The following KCNIP1 variants were observed in gnomAD, a reference collection of about 807,000 sequenced individuals.
The protein encoded by KCNIP1 is potassium voltage-gated channel interacting protein 1.
A neutral mutation model predicts 33.0 loss-of-function variants in KCNIP1; 18 were observed. The observed-to-expected ratio is 0.55, with a 90% CI of 0.38 to 0.81. The LOEUF (loss-of-function observed/expected upper bound fraction) is 0.81. KCNIP1 is among the 30% of genes least tolerant of loss of function. KCNIP1 has a pLI of 0.00. For missense variants in KCNIP1, 238 were observed against 271.6 expected (o/e 0.88, Z 0.87); for synonymous variants, 93 against 98.3 (o/e 0.95, Z 0.32).
intron 1 of KCNIP1, among the ~76,000 whole-genome samples, chr5:170,558,416 A>G (rs1167299099): frequency 1.3e-5 from 2 of 152,234 alleles, no homozygotes; most frequent in Non-Finnish European, 2.9e-5. Flanking sequence ...TTTTTTAAAG[A>G]AGGTTTAAAC....
intron 1 of KCNIP1, chr5:170,377,472 C>T (rs1175578740): frequency 6.6e-6 from 1 of 152,220 alleles, no homozygotes; most frequent in Admixed American, 6.5e-5. Flanking sequence ...CTGAGATAGG[C>T]TTCCCCAGCA....
rs375321824 is a variant in KCNIP1 at position 170,721,914 on chromosome 5, C to A, written c.327+11C>A. 6.2e-7 allele frequency: 1 copy of A among 1,613,972 alleles called. No homozygotes were observed. Among genetic ancestry groups the A allele is most frequent in the African/African-American group, 1.3e-5 (1 of 74,918 alleles). On this transcript the variant is annotated intron_variant, in intron 4 of 7. Transcript: ENST00000328939. Reference sequence around the variant, plus strand: ...TCCGTGAAGTTCGAGGTACGCTCATCTGGGGTCCACTCTAGGGGTCCTCTG... The same window carrying A: ...TCCGTGAAGTTCGAGGTACGCTCATATGGGGTCCACTCTAGGGGTCCTCTG...
chr5:170,400,236 A>G (rs1394515759), intron 1 of KCNIP1, among the ~76,000 whole-genome samples: 1 of 152,162 alleles, frequency 6.6e-6, no homozygotes, highest in Non-Finnish European at 1.5e-5. Flanking sequence ...GGTAATTTAT[A>G]AGCACCAGAG....
chr5:170,392,434 G>A (rs1379959426), intron 1 of KCNIP1, among the ~76,000 whole-genome samples: 1 of 152,348 alleles, frequency 6.6e-6, no homozygotes, highest in South Asian at 2.1e-4. Context: ...TTCAAAGGGG[G>A]ACTGTTACAG....
At chr5:170,490,580 A>T (rs370839955) in intron 1 of KCNIP1, among the ~76,000 whole-genome samples, 73 of 152,274 alleles carry the variant, frequency 4.8e-4, no homozygotes, top group African/African-American at 1.7e-3. Context: ...GTTCCCTAAG[A>T]TGTTACCACT....
chr5:170,489,225 C>A lies in KCNIP1; in HGVS notation c.88+135261C>A, dbSNP rs150913970. Reference sequence around the variant, plus strand: ...ACGATGACTCCATCTGTCACCTCGGCACTTACCCCAAAAGATGGAGGACTG... The same window carrying A: ...ACGATGACTCCATCTGTCACCTCGGAACTTACCCCAAAAGATGGAGGACTG... On this transcript the variant is annotated intron_variant, in intron 1 of 7. Transcript: ENST00000377360. The surrounding 1 kb of genome is among the most constrained non-coding windows in gnomAD (Gnocchi z 4.3). 6.6e-6 allele frequency among the ~76,000 whole-genome samples: 1 copy of A among 152,212 alleles called. No homozygotes were observed. Among genetic ancestry groups the A allele is most frequent in the South Asian group, 2.1e-4 (1 of 4,818 alleles).
intron 1 of KCNIP1, among the ~76,000 whole-genome samples, chr5:170,423,875 G>A (rs1755554715): frequency 6.6e-6 from 1 of 152,194 alleles, no homozygotes; most frequent in Non-Finnish European, 1.5e-5. Context: ...TTTGCTTTCA[G>A]TAGCTGGAAG....
chr5:170,546,407 C>A (rs557026129), intron 1 of KCNIP1, among the ~76,000 whole-genome samples: 1 of 152,332 alleles, frequency 6.6e-6, no homozygotes, highest in African/African-American at 2.4e-5. Flanking sequence ...TGCGTTAAAG[C>A]CAACAGTCAC....
chr5:170,627,596 G>A (rs557393555), intron 1 of KCNIP1, among the ~76,000 whole-genome samples: 6 of 152,370 alleles, frequency 3.9e-5, no homozygotes, highest in African/African-American at 1.4e-4. Context: ...CGGAGTGCCT[G>A]AGATGGCTCA....
At chr5:170,603,130 G>A (rs1363074317) in intron 1 of KCNIP1, among the ~76,000 whole-genome samples, 1 of 152,278 alleles carries the variant, frequency 6.6e-6, no homozygotes, top group African/African-American at 2.4e-5. Context: ...ACCTGCTTTC[G>A]GACATCTTTC....
At chr5:170,570,243 C>T (rs1218543254) in intron 1 of KCNIP1, among the ~76,000 whole-genome samples, 2 of 152,220 alleles carry the variant, frequency 1.3e-5, no homozygotes, top group Non-Finnish European at 2.9e-5. Context: ...AGATCTCTTA[C>T]AGGCATATCT....
chr5:170,664,825 T>G (rs1228983778), intron 1 of KCNIP1, among the ~76,000 whole-genome samples: 1 of 152,150 alleles, frequency 6.6e-6, no homozygotes, highest in Non-Finnish European at 1.5e-5. Flanking sequence ...GGGGCATTGA[T>G]GTTTTAGACA....
chr5:170,592,534 T>A (rs936797035), intron 1 of KCNIP1, among the ~76,000 whole-genome samples: 7 of 142,756 alleles, frequency 4.9e-5, no homozygotes, highest in Non-Finnish European at 1.5e-5. Context: ...GTTGATTTAC[T>A]TATCTGCTCT....
intron 1 of KCNIP1, among the ~76,000 whole-genome samples, chr5:170,400,822 T>C (rs1187693448): frequency 2.0e-5 from 3 of 152,226 alleles, no homozygotes; most frequent in Non-Finnish European, 4.4e-5. Flanking sequence ...TCTGTGGTGG[T>C]GGAAATGTTC....
chr5:170,514,375 G>A (rs10475945), intron 1 of KCNIP1, among the ~76,000 whole-genome samples: 17,740 of 152,178 alleles, frequency 0.12, 1,295 homozygotes, highest in Middle Eastern at 0.2. Flanking sequence ...CTCAGCAGGG[G>A]TGTCTTCAGG....
chr5:170,386,686 G>T (rs1003644887), intron 1 of KCNIP1, among the ~76,000 whole-genome samples: 406 of 143,976 alleles, frequency 2.8e-3, no homozygotes, highest in African/African-American at 7.8e-3. Flanking sequence ...ATATTCCGGT[G>T]TTTTTTTTTT....
chr5:170,469,879 T>C (rs1756685449), intron 1 of KCNIP1, among the ~76,000 whole-genome samples: 1 of 152,208 alleles, frequency 6.6e-6, no homozygotes, highest in Non-Finnish European at 1.5e-5. Flanking sequence ...AGAATGAATG[T>C]CCTTCACTCA....
Position 170,504,191 on chromosome 5 carries a change from C to T in KCNIP1, c.-382C>T. The T allele has an allele frequency of 9.8e-7, 1 of 1,024,390 alleles. No homozygotes were observed. The highest frequency in any genetic ancestry group is 1.2e-6 in the Non-Finnish European group (1 of 856,248). 63.5% of individuals were successfully genotyped at this position (1,024,390 alleles called of 1,614,324 possible). A position where few individuals can be genotyped will look rare whatever the true frequency, so the allele number is the denominator to read the frequency against. On this transcript the variant is annotated 5_prime_UTR_variant, in exon 1 of 8. Coordinates refer to ENST00000328939, the MANE Select transcript of KCNIP1 (RefSeq NM_014592.4). This position sits in a 1 kb window ranked among gnomAD's most constrained non-coding sequence, Gnocchi z 6.0. ...TGCGGCAGGAGGGGCGGGCGGACGG[C>T]GGCTCCCGCACCGCACGCGGCGCTG...
At chr5:170,587,442 AAAAAG>A (rs1385419730) in intron 1 of KCNIP1, among the ~76,000 whole-genome samples, 1 of 150,068 alleles carries the variant, frequency 6.7e-6, no homozygotes, top group African/African-American at 2.4e-5. Flanking sequence ...AAAAAAAAAA[AAAAAG>A]CTAATATAAA....
Sources: allele counts gnomAD v4.1 joint callset (sites outside exome capture counted in the v4.1 genomes callset), GRCh38; gene constraint gnomAD v4.1.1; non-coding constraint Gnocchi (gnomAD v3.1); transcripts MANE v1.5; gene names NCBI Gene and HGNC (gene_info 2026-07-23, HGNC 2026-07-21).